Variants in ZNF181 observed in about 807,000 individuals in gnomAD.
ZNF181 encodes the protein zinc finger protein 181, also known as zinc finger protein 181 (HHZ181).
ZNF181 carries 8 observed loss-of-function variants against 11.9 expected under a neutral mutation model. The ratio of observed to expected loss-of-function variants is 0.67; its 90% confidence interval spans 0.39 to 1.21. The LOEUF is 1.21. Ranked by LOEUF, ZNF181 falls within the 50% of genes most tolerant of loss-of-function variation. The pLI is 0.01. For missense variants in ZNF181, 542 were observed against 670.9 expected, an observed-to-expected ratio of 0.81 and a Z score of 2.12; for synonymous variants, 202 against 221.1, an observed-to-expected ratio of 0.91 and a Z score of 0.77.
chr19:34,739,545 A>G lies in ZNF181; in HGVS notation c.153A>G (p.Pro51=). The G allele has an allele frequency of 2.5e-6, 4 of 1,614,038 alleles. No homozygotes were observed. The East Asian group carries it at 8.9e-5, about 36-fold the overall frequency. Reference sequence around the variant, plus strand: ...AAGCAGGTCTTTCTGTAACTAAGCCATATGTGATCACGTTATTGGAGGATG... The same window carrying G: ...AAGCAGGTCTTTCTGTAACTAAGCCGTATGTGATCACGTTATTGGAGGATG... ...VSVAGLSVTK[P]YVITLLEDGK... The change falls in exon 3 of 4, where the codon CCA becomes CCG. Residue 51 remains proline (P), a synonymous_variant. Coordinates refer to ENST00000492450, the MANE Select transcript of ZNF181 (RefSeq NM_001029997.4).
rs766444391 is a variant in ZNF181, at chr19:34,740,784, G to A, written c.403G>A (p.Val135Ile). ...GTTGGAAGGGAAGCATGGAAGTCAG[G>A]TAGACCATTTCAGACCAGCAATTCT... ...EKLEGKHGSQ[V>I]DHFRPAILTS... is the part of the protein sequence containing the mutation. Residue 135 changes from valine (V) to isoleucine (I), a missense_variant, in exon 4 of 4, where the codon GTA becomes ATA. Coordinates refer to ENST00000492450, the MANE Select transcript of ZNF181 (RefSeq NM_001029997.4). 6.2e-7 allele frequency: 1 copy of A among 1,613,980 alleles called. No homozygotes were observed.
At chr19:34,737,404 G>A (rs2068903726) in intron 1 of ZNF181, among the ~76,000 whole-genome samples, 1 of 152,166 alleles carries the variant, frequency 6.6e-6, no homozygotes, top group South Asian at 2.1e-4. Flanking sequence ...CCACAGGCAA[G>A]CAGTCTGTTT....
intron 1 of ZNF181, 54 bp from the exon 2 acceptor site, chr19:34,739,094 A>G: frequency 6.2e-7 from 1 of 1,605,900 alleles, no homozygotes; most frequent in Non-Finnish European, 8.5e-7. Flanking sequence ...CCCTTTCTTC[A>G]GTGACAGAAG....
Position 34,741,518 on chromosome 19 carries a change from T to C in ZNF181, c.1137T>C (p.Cys379=), listed in dbSNP as rs753549834. The part of the protein sequence containing the change: ...KIHTGEKPYE[C]RECGKAFCCS... ...ATACTGGAGAGAAGCCTTATGAATGTAGAGAATGTGGGAAAGCTTTCTGCT... is the reference window on the plus strand; with the variant it reads ...ATACTGGAGAGAAGCCTTATGAATGCAGAGAATGTGGGAAAGCTTTCTGCT... Residue 379 remains cysteine (C), a synonymous_variant, in exon 4 of 4, where the codon TGT becomes TGC. Transcript: ENST00000492450. The C allele has an allele frequency of 6.8e-6, 11 of 1,613,840 alleles. No homozygotes were observed. Among genetic ancestry groups the C allele is most frequent in the South Asian group, 3.3e-5 (3 of 91,054 alleles).
rs147827848 is a variant in ZNF181 at position 34,744,223 on chromosome 19, G to A, written c.*2126G>A. The stretch of plus-strand genomic sequence containing the variant: ...CAAAGCACAGAGGCATATTCCAATA[G>A]CAATTTGCAAGAGACAGTAGGTTTG... On this transcript the variant is annotated 3_prime_UTR_variant, in exon 4 of 4. Transcript: ENST00000492450. 1 of 152,290 alleles carries A rather than the reference G, an allele frequency of 6.6e-6. No individual in the cohort carries two copies. Among genetic ancestry groups the A allele is most frequent in the African/African-American group, 2.4e-5 (1 of 41,554 alleles). The allele number at this position is 152,290 out of a possible 1,614,324, so 9.4% of individuals were successfully genotyped here. A position where few individuals can be genotyped will look rare whatever the true frequency, so the allele number is the denominator to read the frequency against.
In ZNF181 at chr19:34,734,977, C is replaced by A; in HGVS notation, c.-61C>A. The A allele has an allele frequency of 6.5e-7, 1 of 1,550,160 alleles. No homozygotes were observed. Among genetic ancestry groups the A allele is most frequent in the Non-Finnish European group, 8.8e-7 (1 of 1,142,740 alleles). The stretch of plus-strand genomic sequence containing the variant: ...GCCCTTCTGTGCCCTCAGGACACTG[C>A]CCATCTCTAAGATAAGAGCCTGGAA... On this transcript the variant is annotated 5_prime_UTR_variant, in exon 1 of 4. It introduces an in-frame stop codon into an upstream open reading frame of the 5' UTR. Transcript: ENST00000492450.
chr19:34,737,576 A>G (rs765678357), intron 1 of ZNF181, among the ~76,000 whole-genome samples: 1 of 152,240 alleles, frequency 6.6e-6, no homozygotes, highest in Non-Finnish European at 1.5e-5. Context: ...TTTCTAAGCC[A>G]CATCTGTGAA....
intron 1 of ZNF181, among the ~76,000 whole-genome samples, 172 bp downstream of exon 1, chr19:34,735,218 C>G (rs1189642498): frequency 6.6e-6 from 1 of 152,184 alleles, no homozygotes; most frequent in Non-Finnish European, 1.5e-5. Context: ...TATTATCCTC[C>G]TCACCCAGTG....
chr19:34,740,591 G>C lies in ZNF181; in HGVS notation c.230-20G>C. The stretch of plus-strand genomic sequence containing the variant: ...TTAAAAAAAAACAAAACAGTGCTTT[G>C]CTTTTTTGATGTATTTCAGATTGGG... On this transcript the variant is annotated intron_variant, in intron 3 of 3. Coordinates refer to ENST00000492450, the MANE Select transcript of ZNF181 (RefSeq NM_001029997.4). The C allele has an allele frequency of 6.6e-7, 1 of 1,526,280 alleles. No homozygotes were observed. Among genetic ancestry groups the C allele is most frequent in the Non-Finnish European group, 8.8e-7 (1 of 1,140,444 alleles). 94.5% of individuals were successfully genotyped at this position (1,526,280 alleles called of 1,614,324 possible).
intron 1 of ZNF181, chr19:34,736,203 G>T (rs988615758): frequency 1.4e-6 from 1 of 702,416 alleles, no homozygotes; most frequent in African/African-American, 1.7e-5. Flanking sequence ...GCATAGGAGG[G>T]GATGTGAGTA....
rs1211774923 is a variant in ZNF181 at position 34,741,991 on chromosome 19, G to GAGT, written c.1612_1614dup (p.Val538dup). 1 of 1,613,670 alleles carries GAGT rather than the reference G, an allele frequency of 6.2e-7. No homozygotes were observed. Among genetic ancestry groups the GAGT allele is most frequent in the African/African-American group, 1.3e-5 (1 of 74,908 alleles). On this transcript the variant is annotated inframe_insertion, in exon 4 of 4. Transcript: ENST00000492450. Reference sequence around the variant, plus strand: ...GGCTCAAATCTTACTGCCCATCAAAGAGTACATAATGGAGAGAAACCCAAT... The same window carrying GAGT: ...GGCTCAAATCTTACTGCCCATCAAAGAGTAGTACATAATGGAGAGAAACCCAAT...
Position 34,743,245 on chromosome 19 carries a change from A to G in ZNF181, c.*1148A>G, listed in dbSNP as rs1220483932. On this transcript the variant is annotated 3_prime_UTR_variant, in exon 4 of 4. Coordinates refer to ENST00000492450, the MANE Select transcript of ZNF181 (RefSeq NM_001029997.4). ...TTTTTCATGCGTTCTTAGGCGACAC[A>G]CTGTCCAGAAAGCACATTTTGATAA... is the stretch of plus-strand genomic sequence containing the variant. 6.6e-6 allele frequency: 1 copy of G among 152,218 alleles called. No individual in the cohort carries two copies. Among genetic ancestry groups the G allele is most frequent in the East Asian group, 1.9e-4 (1 of 5,198 alleles). 9.4% of individuals were successfully genotyped at this position (152,218 alleles called of 1,614,324 possible).
At chr19:34,735,751 C>T (rs2068878227) in intron 1 of ZNF181, among the ~76,000 whole-genome samples, 1 of 152,232 alleles carries the variant, frequency 6.6e-6, no homozygotes, top group Admixed American at 6.5e-5. Context: ...TCTGCCTCCT[C>T]ATTCCTGTGA....
rs147602703 is a variant in ZNF181 at position 34,739,906 on chromosome 19, T to G, written c.229+285T>G. On this transcript the variant is annotated intron_variant, in intron 3 of 3. Coordinates refer to ENST00000492450, the MANE Select transcript of ZNF181 (RefSeq NM_001029997.4). ...TCATAACAGTAAGGCAAATTATTCT[T>G]TCTTAAATCTACTTAAAGAAAAACA... is the stretch of plus-strand genomic sequence containing the variant. Among the ~76,000 whole-genome samples the G allele has an allele frequency of 4.5e-4, 68 of 152,364 alleles. 1 individual carries two copies. Among genetic ancestry groups the G allele is most frequent in the African/African-American group, 9.6e-4 (40 of 41,594 alleles).
In ZNF181 at chr19:34,734,340, C is replaced by G. The variant is rs1378516059; in HGVS notation, c.-698C>G. The G allele has an allele frequency of 6.6e-6, 1 of 152,436 alleles. No homozygotes were observed. Among genetic ancestry groups the G allele is most frequent in the African/African-American group, 2.4e-5 (1 of 41,474 alleles). 9.4% of individuals were successfully genotyped at this position (152,436 alleles called of 1,614,324 possible). A position where few individuals can be genotyped will look rare whatever the true frequency, so the allele number is the denominator to read the frequency against. On this transcript the variant is annotated 5_prime_UTR_variant, in exon 1 of 4. Coordinates refer to ENST00000492450, the MANE Select transcript of ZNF181 (RefSeq NM_001029997.4). ...GCGGCCGTTGCCCGCTCACCAGCGA[C>G]GCGGGGCGCCTGCGGGGACGGTGAG...
Position 34,741,410 on chromosome 19 carries a change from T to C in ZNF181, c.1029T>C (p.His343=). 1 of 1,613,920 alleles carries C rather than the reference T, an allele frequency of 6.2e-7. No individual in the cohort carries two copies. The change falls in exon 4 of 4, where the codon CAT becomes CAC. Residue 343 remains histidine, a synonymous_variant. Coordinates refer to ENST00000492450, the MANE Select transcript of ZNF181 (RefSeq NM_001029997.4). ...VSHLIEHLRI[H]TQEKLYECRI... is the part of the protein sequence containing the mutation. ...ATCTTATTGAACATCTAAGAATTCA[T>C]ACTCAAGAAAAACTCTATGAGTGTC...
rs3826980 is a variant in ZNF181 at position 34,740,689 on chromosome 19, T to C, written c.308T>C (p.Ile103Thr). ...GATGAAGATTCACCCCAAACAGTAATAATAGAAAAAGTTGTAAAACAAAGT... is the reference window on the plus strand; with the variant it reads ...GATGAAGATTCACCCCAAACAGTAACAATAGAAAAAGTTGTAAAACAAAGT... ...NYDEDSPQTV[I>T]IEKVVKQSYE... The change falls in exon 4 of 4, where the codon ATA becomes ACA. Residue 103 changes from isoleucine (I) to threonine (T), a missense_variant. Coordinates refer to ENST00000492450, the MANE Select transcript of ZNF181 (RefSeq NM_001029997.4). The C allele has an allele frequency of 6.2e-7, 1 of 1,612,194 alleles. No homozygotes were observed.
chr19:34,742,037 G>A lies in ZNF181; in HGVS notation c.1656G>A (p.Lys552=). ...CCAATAGTGTGGTAAGTGTGGAAAA[G>A]CCTTTAGACTATATGAATCACTATA... ...EKPNSVVSVE[K]PLDYMNHYTC... is the part of the protein sequence containing the mutation. The change falls in exon 4 of 4, where the codon AAG becomes AAA. Residue 552 remains lysine (K), a synonymous_variant. Transcript: ENST00000492450. 2 of 1,611,092 alleles carry A rather than the reference G, an allele frequency of 1.2e-6. No individual in the cohort carries two copies. The highest frequency in any genetic ancestry group is 8.5e-7 in the Non-Finnish European group (1 of 1,178,680).
chr19:34,735,256 A>G (rs2068870817), intron 1 of ZNF181, among the ~76,000 whole-genome samples: 1 of 152,202 alleles, frequency 6.6e-6, no homozygotes, highest in African/African-American at 2.4e-5. Context: ...TTTCTGCTAG[A>G]AGACTTTCTA....
Sources: gnomAD v4.1 joint callset for allele counts (sites outside exome capture counted in the v4.1 genomes callset) on GRCh38, gnomAD v4.1.1 for gene constraint, MANE v1.5 for transcripts, NCBI Gene and HGNC (gene_info 2026-07-23, HGNC 2026-07-21) for gene names.